SNTB2: variants seen among roughly 807,000 people sequenced by gnomAD.
SNTB2 encodes beta-2-syntrophin.
A neutral mutation model predicts 46.2 loss-of-function variants in SNTB2; 34 were observed. That is an observed-to-expected ratio of 0.74 (90% CI 0.56 to 0.98). The LOEUF (loss-of-function observed/expected upper bound fraction) is 0.98. Ranked by LOEUF, SNTB2 falls within the 50% of genes least tolerant of loss-of-function variation. SNTB2 has a pLI of 0.00. For synonymous variants in SNTB2, 290 were observed against 312.6 expected (o/e 0.93, Z 0.76); for missense variants, 603 against 731.4 (o/e 0.82, Z 2.02).
At chr16:69,227,190 C>T (rs1342541545) in intron 1 of SNTB2, among the ~76,000 whole-genome samples, 3 of 152,188 alleles carry the variant, frequency 2.0e-5, no homozygotes, top group African/African-American at 7.2e-5. Context: ...CTAGGACAGA[C>T]AAATTAGGAC....
At position 69,303,667 on chromosome 16, in the gene SNTB2, TCCA is replaced by T. The variant is rs1965293788; in HGVS notation, c.*2744_*2746del. 6.6e-6 allele frequency: 1 copy of T among 152,634 alleles called. No homozygotes were observed. Among genetic ancestry groups the T allele is most frequent in the South Asian group, 2.1e-4 (1 of 4,834 alleles). The allele number at this position is 152,634 out of a possible 1,614,324, so 9.5% of individuals were successfully genotyped here. ...GCTTTTCTTACATACCTAACAGCTC[TCCA>T]GTCATGATGACCAAGGTTGTTCTTC... is the stretch of plus-strand genomic sequence containing the variant. On this transcript the variant is annotated 3_prime_UTR_variant, in exon 7 of 7. Coordinates refer to ENST00000336278, the MANE Select transcript of SNTB2 (RefSeq NM_006750.4).
At chr16:69,206,813 TGG>T (rs1964224418) in intron 1 of SNTB2, among the ~76,000 whole-genome samples, 1 of 152,008 alleles carries the variant, frequency 6.6e-6, no homozygotes. Context: ...TTGCCCAGGC[TGG>T]AGTGCAGTGG....
intron 2 of SNTB2, among the ~76,000 whole-genome samples, chr16:69,249,484 C>T (rs1284781333): frequency 4.6e-5 from 7 of 152,264 alleles, no homozygotes; most frequent in African/African-American, 1.2e-4. Context: ...TATTGCTAAA[C>T]GTTGTGCTAC....
chr16:69,258,361 A>G (rs1264961161), intron 2 of SNTB2, among the ~76,000 whole-genome samples: 1 of 152,168 alleles, frequency 6.6e-6, no homozygotes, highest in African/African-American at 2.4e-5. Context: ...AACACAAAAC[A>G]ATATTCAATA....
In SNTB2 at chr16:69,187,235, C is replaced by A; in HGVS notation, c.69C>A (p.Thr23=). 6.9e-7 allele frequency: 1 copy of A among 1,458,724 alleles called. No homozygotes were observed. The highest frequency in any genetic ancestry group is 9.0e-7 in the Non-Finnish European group (1 of 1,107,736). 90.4% of individuals were successfully genotyped at this position (1,458,724 alleles called of 1,614,324 possible). A position where few individuals can be genotyped will look rare whatever the true frequency, so the allele number is the denominator to read the frequency against. ...CCATGGCGGTGTGGACGCGGGCCAC[C>A]AAAGCGGGGCTGGTGGAGCTGCTCC... ...GPAMAVWTRA[T]KAGLVELLLR... Residue 23 remains threonine, a synonymous_variant, in exon 1 of 7, where the codon ACC becomes ACA. Transcript: ENST00000336278.
intron 2 of SNTB2, among the ~76,000 whole-genome samples, chr16:69,253,806 T>A (rs1452839847): frequency 6.6e-6 from 1 of 152,218 alleles, no homozygotes; most frequent in Non-Finnish European, 1.5e-5. Context: ...TTCTCCCAGT[T>A]ATTAATAACT....
intron 1 of SNTB2, among the ~76,000 whole-genome samples, chr16:69,211,845 A>G (rs570160879): frequency 9.8e-5 from 15 of 152,338 alleles, no homozygotes; most frequent in Admixed American, 7.8e-4. Flanking sequence ...AAGTTCTTCA[A>G]AAATAAACCC....
At chr16:69,243,166 A>G (rs1387007883) in intron 1 of SNTB2, among the ~76,000 whole-genome samples, 1 of 152,198 alleles carries the variant, frequency 6.6e-6, no homozygotes, top group African/African-American at 2.4e-5. Context: ...AAATGAAATG[A>G]TTCTGAAATA....
intron 4 of SNTB2, among the ~76,000 whole-genome samples, chr16:69,275,243 T>C (rs1964976349): frequency 6.6e-6 from 1 of 152,112 alleles, no homozygotes; most frequent in Non-Finnish European, 1.5e-5. Flanking sequence ...AGGTTAATTT[T>C]TTATGGAGGT....
intron 1 of SNTB2, among the ~76,000 whole-genome samples, chr16:69,216,847 G>T (rs1160228358): frequency 1.3e-5 from 2 of 152,126 alleles, no homozygotes; most frequent in Non-Finnish European, 2.9e-5. Context: ...TTTTAGTTTG[G>T]CTGGGGTTGC....
rs571609147 is a variant in SNTB2 at position 69,220,769 on chromosome 16, C to A, written c.581-24833C>A. Among the ~76,000 whole-genome samples, 4 of 152,156 alleles carry A rather than the reference C, an allele frequency of 2.6e-5. No homozygotes were observed. In the South Asian group the frequency reaches 8.3e-4, roughly 32 times the overall value. ...CTAGTCTCAAACTCTTGGCCTCAAG[C>A]GATCCACTTGCCTCAGCCTTCCAAA... On this transcript the variant is annotated intron_variant, in intron 1 of 6. Coordinates refer to ENST00000336278, the MANE Select transcript of SNTB2 (RefSeq NM_006750.4).
chr16:69,286,284 A>G (rs1965101413), intron 5 of SNTB2, among the ~76,000 whole-genome samples: 1 of 152,182 alleles, frequency 6.6e-6, no homozygotes. Flanking sequence ...GTAGTGTAAG[A>G]ACTAGCCAGT....
At chr16:69,208,235 T>C (rs1466358288) in intron 1 of SNTB2, among the ~76,000 whole-genome samples, 1 of 151,586 alleles carries the variant, frequency 6.6e-6, no homozygotes, top group Non-Finnish European at 1.5e-5. Context: ...GGAGAAACCC[T>C]GTCTCTACTA....
At chr16:69,292,354 T>TTATA (rs1166147915) in intron 5 of SNTB2, among the ~76,000 whole-genome samples, 22 of 36,280 alleles carry the variant, frequency 6.1e-4, no homozygotes, top group Non-Finnish European at 9.7e-4. Context: ...ACCTTATTTT[T>TTATA]TATATATATA....
At chr16:69,196,874 T>A (rs1964110604) in intron 1 of SNTB2, among the ~76,000 whole-genome samples, 1 of 152,204 alleles carries the variant, frequency 6.6e-6, no homozygotes, top group Non-Finnish European at 1.5e-5. Flanking sequence ...CTCTGGTGGA[T>A]CAGTTTGGGT....
At chr16:69,236,318 C>T (rs1050958960) in intron 1 of SNTB2, among the ~76,000 whole-genome samples, 4 of 152,112 alleles carry the variant, frequency 2.6e-5, no homozygotes, top group Non-Finnish European at 5.9e-5. Flanking sequence ...CTAGGACAAT[C>T]AACCTGGTAA....
At chr16:69,225,478 G>C (rs554109079) in intron 1 of SNTB2, among the ~76,000 whole-genome samples, 44 of 152,270 alleles carry the variant, frequency 2.9e-4, no homozygotes, top group African/African-American at 1.1e-3. Flanking sequence ...TGGAAGTTTT[G>C]TTGTCTAGTG....
chr16:69,294,943 T>C (rs1043891821), intron 5 of SNTB2, among the ~76,000 whole-genome samples: 2 of 151,674 alleles, frequency 1.3e-5, no homozygotes, highest in South Asian at 2.1e-4. Flanking sequence ...CTCAGCCTCC[T>C]GAGTAGCTGG....
intron 2 of SNTB2, among the ~76,000 whole-genome samples, chr16:69,250,811 G>A (rs984705813): frequency 6.6e-6 from 1 of 151,868 alleles, no homozygotes; most frequent in African/African-American, 2.4e-5. Flanking sequence ...GGGAGGCGGA[G>A]GTTGCAGTGA....
Sources: gnomAD v4.1 joint callset for allele counts (sites outside exome capture counted in the v4.1 genomes callset) on GRCh38, gnomAD v4.1.1 for gene constraint, MANE v1.5 for transcripts, NCBI Gene and HGNC (gene_info 2026-07-23, HGNC 2026-07-21) for gene names.